GLIS1: variants seen among roughly 807,000 people sequenced by gnomAD.
GLIS1 encodes the protein GLIS family zinc finger 1.
Under a neutral mutation model 63.8 loss-of-function variants are expected in GLIS1, and 24 were observed. That is an observed-to-expected ratio of 0.38 (90% CI 0.27 to 0.53). The LOEUF (loss-of-function observed/expected upper bound fraction) is 0.53, where lower values mean the gene tolerates loss of function less well. GLIS1 is among the 20% of genes least tolerant of loss of function. GLIS1 has a pLI of 0.85. For synonymous variants in GLIS1, 450 were observed against 482.5 expected, an observed-to-expected ratio of 0.93 and a Z score of 0.88; for missense variants, 1,036 against 1,074.1, an observed-to-expected ratio of 0.96 and a Z score of 0.50.
chr1:53,626,174 T>C (rs527811035), intron 2 of GLIS1, among the ~76,000 whole-genome samples: 8 of 152,202 alleles, frequency 5.3e-5, no homozygotes, highest in Non-Finnish European at 1.0e-4. Context: ...CACACCTCTC[T>C]TTGGCATGAC....
At chr1:53,529,031 C>T (rs1644500692) in intron 5 of GLIS1, among the ~76,000 whole-genome samples, 2 of 152,216 alleles carry the variant, frequency 1.3e-5, no homozygotes, top group South Asian at 2.1e-4. Context: ...CCTCAGGTGT[C>T]CCACTTCCCT....
intron 2 of GLIS1, among the ~76,000 whole-genome samples, chr1:53,659,012 A>G (rs995804740): frequency 2.0e-5 from 3 of 152,176 alleles, no homozygotes; most frequent in African/African-American, 4.8e-5. Flanking sequence ...CTCCCCTTCT[A>G]TGAATGCGGA....
At chr1:53,726,713 C>G (rs1186092951) in intron 2 of GLIS1, among the ~76,000 whole-genome samples, 1 of 152,182 alleles carries the variant, frequency 6.6e-6, no homozygotes, top group Non-Finnish European at 1.5e-5. Flanking sequence ...CCTCCCTCCC[C>G]AACCTCCCCC....
At chr1:53,632,334 TG>T (rs1002439009) in intron 2 of GLIS1, among the ~76,000 whole-genome samples, 5 of 134,490 alleles carry the variant, frequency 3.7e-5, no homozygotes, top group Non-Finnish European at 4.7e-5. Context: ...TGTGACAGAC[TG>T]GGGGTGTAAC....
chr1:53,506,359 G>A lies in GLIS1; in HGVS notation c.*260C>T. 4 of 487,910 alleles carry A rather than the reference G, an allele frequency of 8.2e-6. No individual in the cohort carries two copies. Among genetic ancestry groups the A allele is most frequent in the Admixed American group, 6.8e-5 (2 of 29,334 alleles). The allele number at this position is 487,910 out of a possible 1,614,324, so 30.2% of individuals were successfully genotyped here. The stretch of plus-strand genomic sequence containing the variant: ...GTCTGTGATTTCAAAACCACTGCGG[G>A]GAGGAACGGGAAGACAAGATCGAGG... On this transcript the variant is annotated 3_prime_UTR_variant, in exon 11 of 11. Transcript: ENST00000628545.
chr1:53,681,984 A>T (rs528317476), intron 2 of GLIS1, among the ~76,000 whole-genome samples: 4 of 152,244 alleles, frequency 2.6e-5, no homozygotes, highest in South Asian at 2.1e-4. Context: ...AACTTAAACC[A>T]CTTTGTAGGC....
intron 2 of GLIS1, among the ~76,000 whole-genome samples, chr1:53,677,194 A>C (rs1239050623): frequency 6.6e-6 from 1 of 152,200 alleles, no homozygotes; most frequent in East Asian, 1.9e-4. Context: ...CAACAGAGTG[A>C]GTGTGTAGAT....
intron 2 of GLIS1, among the ~76,000 whole-genome samples, chr1:53,666,335 G>A (rs1400339059): frequency 3.9e-5 from 6 of 152,198 alleles, no homozygotes; most frequent in Admixed American, 3.9e-4. Flanking sequence ...CAGCTAGTAG[G>A]AGGTGAAATA....
At chr1:53,660,219 A>G (rs1646011913) in intron 2 of GLIS1, among the ~76,000 whole-genome samples, 3 of 152,188 alleles carry the variant, frequency 2.0e-5, no homozygotes, top group East Asian at 3.9e-4. Flanking sequence ...CCTCATTTCC[A>G]TCTTGCAGAC....
At chr1:53,530,456 C>CA in intron 4 of GLIS1, among the ~76,000 whole-genome samples, 1 of 152,308 alleles carries the variant, frequency 6.6e-6, no homozygotes, top group South Asian at 2.1e-4. Flanking sequence ...TCAAGGCTGA[C>CA]ATGAGGGCCC....
intron 2 of GLIS1, among the ~76,000 whole-genome samples, chr1:53,715,500 A>T (rs1646688720): frequency 6.6e-6 from 1 of 152,162 alleles, no homozygotes; most frequent in Non-Finnish European, 1.5e-5. Flanking sequence ...TTTCAAAGTG[A>T]CGCTGTCGAA....
intron 4 of GLIS1, among the ~76,000 whole-genome samples, chr1:53,533,011 C>T (rs550542148): frequency 3.7e-4 from 56 of 152,390 alleles, no homozygotes; most frequent in African/African-American, 1.3e-3. Context: ...AGACGCTCCA[C>T]GCGTGATCTG....
chr1:53,672,093 T>A (rs1228595790), intron 2 of GLIS1, among the ~76,000 whole-genome samples: 1 of 152,010 alleles, frequency 6.6e-6, no homozygotes, highest in Non-Finnish European at 1.5e-5. Context: ...GCCAACTGAG[T>A]CAAGGCCTGC....
At chr1:53,734,338 C>A (rs1036387555) in intron 2 of GLIS1, 1 of 299,544 alleles carries the variant, frequency 3.3e-6, no homozygotes, top group Non-Finnish European at 4.9e-6. Flanking sequence ...ATACTAGTTA[C>A]CAATTCCCAA....
chr1:53,663,666 T>C (rs1570009739), intron 2 of GLIS1, among the ~76,000 whole-genome samples: 1 of 152,082 alleles, frequency 6.6e-6, no homozygotes, highest in African/African-American at 2.4e-5. Flanking sequence ...GTTGGGGCAG[T>C]TGGAGGAGCA....
intron 2 of GLIS1, among the ~76,000 whole-genome samples, chr1:53,620,824 T>A (rs1238233512): frequency 6.6e-6 from 1 of 152,336 alleles, no homozygotes; most frequent in South Asian, 2.1e-4. Flanking sequence ...CTAGCTCTAA[T>A]GCTGATCCAC....
intron 2 of GLIS1, among the ~76,000 whole-genome samples, chr1:53,631,803 G>A (rs1185239513): frequency 6.6e-6 from 1 of 152,080 alleles, no homozygotes; most frequent in Non-Finnish European, 1.5e-5. Flanking sequence ...GGGTCTCGGG[G>A]GAGGGCATTT....
chr1:53,657,538 C>A (rs996530230), intron 2 of GLIS1, among the ~76,000 whole-genome samples: 30 of 152,278 alleles, frequency 2.0e-4, no homozygotes, highest in African/African-American at 7.0e-4. Flanking sequence ...CTGGCAGCTT[C>A]CCTCTTGGTT....
At chr1:53,563,070 G>C (rs1448786088) in intron 4 of GLIS1, among the ~76,000 whole-genome samples, 3 of 152,246 alleles carry the variant, frequency 2.0e-5, no homozygotes, top group Non-Finnish European at 4.4e-5. Context: ...AATCTCAGAG[G>C]ACGGGAGAAA....
Sources: allele counts gnomAD v4.1 joint callset (sites outside exome capture counted in the v4.1 genomes callset), GRCh38; gene constraint gnomAD v4.1.1; transcripts MANE v1.5; gene names NCBI Gene and HGNC (gene_info 2026-07-23, HGNC 2026-07-21).